The following TP63 variants were observed in gnomAD, a reference collection of about 807,000 sequenced individuals.
TP63 encodes the protein tumor protein 63.
A neutral mutation model predicts 82.8 loss-of-function variants in TP63; 17 were observed. The ratio of observed to expected loss-of-function variants is 0.21; its 90% CI spans 0.14 to 0.31. The LOEUF (loss-of-function observed/expected upper bound fraction) is 0.31. TP63 is among the 10% of genes least tolerant of loss of function. The pLI, the probability that TP63 is intolerant of heterozygous loss-of-function variation, is 1.00. For missense variants in TP63, 648 were observed against 895.3 expected (o/e 0.72, Z 3.52); for synonymous variants, 330 against 321.7 (o/e 1.03, Z -0.28).
intron 4 of TP63, among the ~76,000 whole-genome samples, chr3:189,821,209 T>C (rs1728761747): frequency 6.6e-6 from 1 of 152,228 alleles, no homozygotes; most frequent in Non-Finnish European, 1.5e-5. Context: ...TGAAGCAGTA[T>C]TTTCATATAG....
chr3:189,722,544 A>G (rs2108771428), intron 1 of TP63, among the ~76,000 whole-genome samples: 1 of 152,314 alleles, frequency 6.6e-6, no homozygotes, highest in African/African-American at 2.4e-5. Context: ...GATCCCAGCC[A>G]GTGAACGCAT....
At position 189,740,475 on chromosome 3, in the gene TP63, G is replaced by A. The variant is rs140344943; in HGVS notation, c.324+1701G>A. ...AATTTTCTCTTACACACTGAAGCAC[G>A]TAGTTTTTTATTGTTGTTTGTTTTT... On this transcript the variant is annotated intron_variant, in intron 3 of 13. Coordinates refer to ENST00000264731, the MANE Select transcript of TP63 (RefSeq NM_003722.5). 6.8e-3 allele frequency among the ~76,000 whole-genome samples: 1,012 copies of A among 147,842 alleles called. 16 individuals are homozygous for A. Among genetic ancestry groups the A allele is most frequent in the African/African-American group, 0.024 (925 of 38,742 alleles).
chr3:189,664,877 A>T (rs1004994982), intron 1 of TP63, among the ~76,000 whole-genome samples: 1 of 152,182 alleles, frequency 6.6e-6, no homozygotes, highest in African/African-American at 2.4e-5. Context: ...GAAGAGATCT[A>T]GCTGGTGGGG....
intron 1 of TP63, among the ~76,000 whole-genome samples, chr3:189,718,271 AT>A (rs1191796679): frequency 6.6e-6 from 1 of 150,562 alleles, no homozygotes; most frequent in Non-Finnish European, 1.5e-5. Flanking sequence ...AACCTGATGT[AT>A]TAGTTTGTTT....
intron 1 of TP63, among the ~76,000 whole-genome samples, chr3:189,731,343 C>CA (rs59444552): frequency 1.3e-4 from 19 of 149,212 alleles, no homozygotes; most frequent in South Asian, 2.1e-4. Flanking sequence ...GCCTTCATCT[C>CA]AAAAAAAAAG....
intron 1 of TP63, among the ~76,000 whole-genome samples, chr3:189,670,766 T>C (rs905920632): frequency 4.6e-5 from 7 of 152,070 alleles, no homozygotes; most frequent in African/African-American, 1.7e-4. Context: ...TGCAGCCAGT[T>C]GATTTTTGAC....
chr3:189,612,831 T>C, the TP63 span, among the ~76,000 whole-genome samples: 1 of 152,242 alleles, frequency 6.6e-6, no homozygotes, highest in Non-Finnish European at 1.5e-5. Flanking sequence ...CTGTTACGTT[T>C]TAGCAAAGAG....
At chr3:189,675,598 G>T (rs981995695) in intron 1 of TP63, among the ~76,000 whole-genome samples, 2 of 151,802 alleles carry the variant, frequency 1.3e-5, no homozygotes, top group African/African-American at 2.4e-5. Context: ...AGATTTTTTC[G>T]CTAGTCTACT....
chr3:189,788,994 A>G (rs1399695967), intron 3 of TP63, among the ~76,000 whole-genome samples: 2 of 151,630 alleles, frequency 1.3e-5, no homozygotes, highest in Non-Finnish European at 2.9e-5. Context: ...TATTTCCCGT[A>G]CATAATATGG....
At chr3:189,769,988 C>T (rs1723214899) in intron 3 of TP63, among the ~76,000 whole-genome samples, 1 of 152,200 alleles carries the variant, frequency 6.6e-6, no homozygotes, top group Admixed American at 6.5e-5. Flanking sequence ...ACCAGGGTTA[C>T]AACTTCATGA....
At chr3:189,661,487 G>A (rs1046571792) in intron 1 of TP63, among the ~76,000 whole-genome samples, 2 of 152,060 alleles carry the variant, frequency 1.3e-5, no homozygotes, top group South Asian at 4.1e-4. Flanking sequence ...GTATTTTGTT[G>A]AGGATTTTTG....
intron 1 of TP63, among the ~76,000 whole-genome samples, chr3:189,721,660 C>T (rs894340886): frequency 1.3e-5 from 2 of 152,108 alleles, no homozygotes; most frequent in African/African-American, 2.4e-5. Context: ...GGGAGGCTCT[C>T]GCTTGTTTCA....
At chr3:189,679,845 A>AT (rs35439837) in intron 1 of TP63, among the ~76,000 whole-genome samples, 1 of 152,120 alleles carries the variant, frequency 6.6e-6, no homozygotes, top group Non-Finnish European at 1.5e-5. Context: ...TGGATATTCA[A>AT]TTTTTTTCAA....
At chr3:189,767,050 G>C (rs972573737) in intron 3 of TP63, among the ~76,000 whole-genome samples, 2 of 152,034 alleles carry the variant, frequency 1.3e-5, no homozygotes, top group Non-Finnish European at 2.9e-5. Context: ...TAAAAATCAC[G>C]TATTTCCACA....
chr3:189,748,841 G>T (rs1156762938), intron 3 of TP63, among the ~76,000 whole-genome samples: 1 of 151,952 alleles, frequency 6.6e-6, no homozygotes, highest in Non-Finnish European at 1.5e-5. Flanking sequence ...CAGATACATA[G>T]GTCAATGAGA....
intron 3 of TP63, among the ~76,000 whole-genome samples, chr3:189,765,899 T>A (rs1324610603): frequency 1.3e-5 from 2 of 152,190 alleles, no homozygotes; most frequent in Non-Finnish European, 2.9e-5. Context: ...AGCACGGAGT[T>A]GGGCTAGGTG....
intron 3 of TP63, among the ~76,000 whole-genome samples, chr3:189,754,950 A>G (rs1265004909): frequency 6.7e-6 from 1 of 149,382 alleles, no homozygotes; most frequent in African/African-American, 2.5e-5. Flanking sequence ...AGATTTGATT[A>G]AAGGCTGCTG....
At chr3:189,656,269 A>C (rs1273768106) in intron 1 of TP63, among the ~76,000 whole-genome samples, 1 of 152,188 alleles carries the variant, frequency 6.6e-6, no homozygotes, top group Non-Finnish European at 1.5e-5. Flanking sequence ...ACTACCCATA[A>C]GATAGTGTAG....
chr3:189,811,125 A>G (rs752515029), intron 4 of TP63, among the ~76,000 whole-genome samples: 3 of 152,202 alleles, frequency 2.0e-5, no homozygotes, highest in Non-Finnish European at 2.9e-5. Flanking sequence ...AACCTGGATT[A>G]TGGTCTTGAT....
Sources: allele counts gnomAD v4.1 joint callset (sites outside exome capture counted in the v4.1 genomes callset), GRCh38; gene constraint gnomAD v4.1.1; transcripts MANE v1.5; gene names NCBI Gene and HGNC (gene_info 2026-07-23, HGNC 2026-07-21).